The following ATG5 variants were observed in gnomAD, a reference collection of about 807,000 sequenced individuals.
ATG5 encodes the protein autophagy related 5, also known as autophagy protein 5.
ATG5 carries 14 observed loss-of-function variants against 36.5 expected under a neutral mutation model. The ratio of observed to expected loss-of-function variants is 0.38; its 90% CI spans 0.25 to 0.60. The LOEUF is 0.60. Ranked by LOEUF, ATG5 falls within the 20% of genes least tolerant of loss-of-function variation. ATG5 has a pLI of 0.60. For synonymous variants in ATG5, 95 were observed against 101.5 expected (o/e 0.94, Z 0.38); for missense variants, 195 against 326.7 (o/e 0.60, Z 3.11).
At chr6:106,313,766 AT>A (rs34829292) in intron 2 of ATG5, among the ~76,000 whole-genome samples, 1 of 118,834 alleles carries the variant, frequency 8.4e-6, no homozygotes, top group Non-Finnish European at 1.8e-5. Context: ...CAAGGGACAT[AT>A]TATCTGAACT....
chr6:106,285,284 ATAG>A (rs1393229088), intron 4 of ATG5, among the ~76,000 whole-genome samples: 2 of 152,120 alleles, frequency 1.3e-5, no homozygotes, highest in African/African-American at 2.4e-5. Flanking sequence ...TGAATTTATA[ATAG>A]TTGCTTTAAT....
At chr6:106,299,238 C>A (rs895156696) in intron 3 of ATG5, among the ~76,000 whole-genome samples, 5 of 152,170 alleles carry the variant, frequency 3.3e-5, no homozygotes, top group African/African-American at 1.2e-4. Flanking sequence ...CACACATTCT[C>A]CCGTATACTT....
At chr6:106,291,919 A>G (rs1170319534) in intron 4 of ATG5, among the ~76,000 whole-genome samples, 1 of 152,260 alleles carries the variant, frequency 6.6e-6, no homozygotes, top group Admixed American at 6.5e-5. Context: ...TGTACACGGA[A>G]ATAAGCTCTA....
chr6:106,293,648 C>CT (rs1190582546), intron 3 of ATG5, among the ~76,000 whole-genome samples: 2 of 152,080 alleles, frequency 1.3e-5, no homozygotes, highest in African/African-American at 4.8e-5. Flanking sequence ...TGTACTATAA[C>CT]TTTTTTCACA....
At chr6:106,217,417 A>T (rs1348871738) in intron 6 of ATG5, 1 of 152,240 alleles carries the variant, frequency 6.6e-6, no homozygotes, top group Non-Finnish European at 1.5e-5. Context: ...TAAAAGTATC[A>T]AATATGGGAC....
At chr6:106,186,736 C>T (rs1775786275) in intron 7 of ATG5, 60 bp from the exon 8 acceptor site, 1 of 1,574,950 alleles carries the variant, frequency 6.3e-7, no homozygotes, top group Non-Finnish European at 8.7e-7. Flanking sequence ...AAAAAATAAT[C>T]TGGTGCCTTT....
At chr6:106,217,528 G>A (rs1777088188) in intron 6 of ATG5, 1 of 152,154 alleles carries the variant, frequency 6.6e-6, no homozygotes, top group Non-Finnish European at 1.5e-5. Context: ...AGTTAGGGTA[G>A]CCAAGAACTC....
intron 5 of ATG5, among the ~76,000 whole-genome samples, chr6:106,275,159 T>A (rs1304109121): frequency 6.6e-6 from 1 of 152,204 alleles, no homozygotes; most frequent in Non-Finnish European, 1.5e-5. Flanking sequence ...AAAGCATCAG[T>A]AGGAGTTAAA....
intron 6 of ATG5, among the ~76,000 whole-genome samples, chr6:106,234,907 CA>C (rs1318424241): frequency 2.6e-5 from 4 of 152,154 alleles, no homozygotes; most frequent in Non-Finnish European, 5.9e-5. Context: ...AGTAGTCCTT[CA>C]AAATTGAAGA....
intron 5 of ATG5, among the ~76,000 whole-genome samples, chr6:106,254,563 T>C (rs192838462): frequency 2.6e-4 from 39 of 152,302 alleles, no homozygotes; most frequent in Admixed American, 1.8e-3. Flanking sequence ...GTGGAAAAAG[T>C]AGACAGTCTG....
chr6:106,282,888 G>A (rs1293378379), intron 4 of ATG5, among the ~76,000 whole-genome samples: 7 of 152,016 alleles, frequency 4.6e-5, no homozygotes, highest in Admixed American at 4.6e-4. Flanking sequence ...TGGGGCCCAA[G>A]CGATCCTCCC....
intron 5 of ATG5, among the ~76,000 whole-genome samples, chr6:106,268,510 G>A (rs956273655): frequency 2.0e-5 from 3 of 152,090 alleles, no homozygotes; most frequent in Non-Finnish European, 4.4e-5. Flanking sequence ...ATTTGACCCA[G>A]CAATCCCATT....
chr6:106,308,705 C>A (rs1235678183), intron 2 of ATG5, among the ~76,000 whole-genome samples: 5 of 152,110 alleles, frequency 3.3e-5, no homozygotes, highest in South Asian at 4.1e-4. Context: ...GCACAGCTTA[C>A]CACATAAATG....
At chr6:106,218,539 T>C (rs1015756404) in intron 6 of ATG5, among the ~76,000 whole-genome samples, 3 of 152,196 alleles carry the variant, frequency 2.0e-5, no homozygotes, top group African/African-American at 7.2e-5. Flanking sequence ...CAAAAGTAAA[T>C]TTGTTAGTTC....
At chr6:106,239,752 T>C (rs1778041981) in intron 6 of ATG5, among the ~76,000 whole-genome samples, 1 of 152,254 alleles carries the variant, frequency 6.6e-6, no homozygotes, top group Non-Finnish European at 1.5e-5. Flanking sequence ...GGCCAAATTG[T>C]GGCCTCTGCC....
In ATG5 at chr6:106,185,846, G is replaced by T. The variant is rs1775743780; in HGVS notation, c.*694C>A. On this transcript the variant is annotated 3_prime_UTR_variant, in exon 8 of 8. Coordinates refer to ENST00000369076, the MANE Select transcript of ATG5 (RefSeq NM_004849.4). ...ATGCCAATGACGACCAGTCAAAATG[G>T]TAACACAGAGTAAAAAGTGATCTAC... 1 of 152,464 alleles carries T rather than the reference G, an allele frequency of 6.6e-6. No homozygotes were observed. Among genetic ancestry groups the T allele is most frequent in the African/African-American group, 2.4e-5 (1 of 41,332 alleles). 9.4% of individuals were successfully genotyped at this position (152,464 alleles called of 1,614,324 possible).
intron 6 of ATG5, among the ~76,000 whole-genome samples, chr6:106,208,381 C>T (rs1049654879): frequency 1.3e-5 from 2 of 151,630 alleles, no homozygotes; most frequent in African/African-American, 2.4e-5. Context: ...ATCACCAGGG[C>T]CACTAGTTTT....
intron 6 of ATG5, among the ~76,000 whole-genome samples, chr6:106,231,731 A>G (rs967121055): frequency 3.3e-5 from 5 of 152,166 alleles, no homozygotes; most frequent in Admixed American, 1.3e-4. Context: ...AAAAACTTCA[A>G]AAGTCTGCCT....
chr6:106,294,845 G>GAAAA (rs1219794619), intron 3 of ATG5, among the ~76,000 whole-genome samples: 3 of 85,962 alleles, frequency 3.5e-5, no homozygotes, highest in Non-Finnish European at 7.4e-5. Context: ...CTTTTCTCAA[G>GAAAA]AAAAAAAAAA....
Sources: allele counts gnomAD v4.1 joint callset (sites outside exome capture counted in the v4.1 genomes callset), GRCh38; gene constraint gnomAD v4.1.1; transcripts MANE v1.5; gene names NCBI Gene and HGNC (gene_info 2026-07-23, HGNC 2026-07-21).